Variants in FIRRM observed in about 807,000 individuals in gnomAD.
FIRRM encodes the protein FIGNL1 interacting regulator of recombination and mitosis, also known as FIGNL1-interacting regulator of recombination and mitosis.
At chr1:169,837,000 C>T in the FIRRM span, 10 of 1,613,650 alleles carry the variant, frequency 6.2e-6, no homozygotes, top group Admixed American at 1.0e-4. Flanking sequence ...TCCTTCCAGG[C>T]GTTACCTCCT....
chr1:169,840,585 A>G, the FIRRM span, among the ~76,000 whole-genome samples: 2 of 147,364 alleles, frequency 1.4e-5, no homozygotes, highest in African/African-American at 5.0e-5. Context: ...ATCTCGGCTC[A>G]CTGTGAGCTC....
the FIRRM span, among the ~76,000 whole-genome samples, chr1:169,826,327 T>C: frequency 1.3e-5 from 2 of 150,374 alleles, no homozygotes; most frequent in Non-Finnish European, 3.0e-5. Context: ...CCTCCCAAAG[T>C]GCTGGGATTA....
the FIRRM span, among the ~76,000 whole-genome samples, chr1:169,807,431 C>G: frequency 6.6e-6 from 1 of 152,184 alleles, no homozygotes; most frequent in Non-Finnish European, 1.5e-5. Flanking sequence ...CAAATCACAG[C>G]CCTAATTAAT....
the FIRRM span, chr1:169,853,331 G>C: frequency 3.0e-6 from 1 of 328,038 alleles, no homozygotes; most frequent in Non-Finnish European, 5.5e-6. Context: ...TTTCATAATA[G>C]AGCTTACTCT....
the FIRRM span, among the ~76,000 whole-genome samples, chr1:169,836,183 A>ATTATAC: frequency 4.6e-5 from 7 of 151,848 alleles, no homozygotes; most frequent in Admixed American, 3.9e-4. Context: ...TCCTAGTTGG[A>ATTATAC]TTATACTTAT....
the FIRRM span, chr1:169,796,046 C>A: frequency 1.2e-6 from 1 of 866,462 alleles, no homozygotes; most frequent in Non-Finnish European, 1.4e-6. Context: ...CAATTACACT[C>A]AAAAGAAAAA....
At chr1:169,789,249 C>T in the FIRRM span, among the ~76,000 whole-genome samples, 1,497 of 152,312 alleles carry the variant, frequency 9.8e-3, 35 homozygotes, top group African/African-American at 0.035. Flanking sequence ...AGTTTCCTTG[C>T]TATTCCTCTT....
At chr1:169,834,436 C>A in the FIRRM span, among the ~76,000 whole-genome samples, 1 of 151,914 alleles carries the variant, frequency 6.6e-6, no homozygotes, top group Non-Finnish European at 1.5e-5. Flanking sequence ...ATGAAAAGAC[C>A]ATTTAACAAA....
the FIRRM span, chr1:169,803,274 C>G: frequency 6.2e-7 from 1 of 1,613,764 alleles, no homozygotes; most frequent in Non-Finnish European, 8.5e-7. Flanking sequence ...CTCCTCAGTC[C>G]TTCATATAAT....
chr1:169,812,456 G>C, the FIRRM span, among the ~76,000 whole-genome samples: 1 of 152,162 alleles, frequency 6.6e-6, no homozygotes, highest in Non-Finnish European at 1.5e-5. Flanking sequence ...AGTCAGGAAA[G>C]GTTTCTTATG....
chr1:169,828,570 G>A, the FIRRM span, among the ~76,000 whole-genome samples: 2 of 151,056 alleles, frequency 1.3e-5, no homozygotes, highest in Non-Finnish European at 2.9e-5. Context: ...TTTGTTTGGA[G>A]CAGGGTCTTG....
chr1:169,797,614 G>T, the FIRRM span, among the ~76,000 whole-genome samples: 1 of 152,162 alleles, frequency 6.6e-6, no homozygotes, highest in Non-Finnish European at 1.5e-5. Flanking sequence ...GAGTGCAGTG[G>T]TGCGATCTCA....
the FIRRM span, among the ~76,000 whole-genome samples, chr1:169,801,763 A>G: frequency 6.6e-6 from 1 of 152,314 alleles, no homozygotes; most frequent in East Asian, 1.9e-4. Flanking sequence ...AGGGAACTAA[A>G]GATACTTTGG....
the FIRRM span, chr1:169,832,493 C>T: frequency 1.9e-6 from 3 of 1,612,258 alleles, no homozygotes; most frequent in East Asian, 2.2e-5. Context: ...TTCTTCATGG[C>T]ACCACCCCAT....
chr1:169,802,097 C>T, the FIRRM span, among the ~76,000 whole-genome samples: 5 of 152,104 alleles, frequency 3.3e-5, no homozygotes. Context: ...GGGTGGCTAA[C>T]TTTTCACAGA....
chr1:169,852,667 TCCTCCTAC>T, the FIRRM span: 1 of 1,021,904 alleles, frequency 9.8e-7, no homozygotes, highest in Non-Finnish European at 1.4e-6. Flanking sequence ...TTGGGGTGCA[TCCTCCTAC>T]CCTTGTGATC....
the FIRRM span, chr1:169,832,443 T>C: frequency 1.9e-6 from 3 of 1,613,564 alleles, no homozygotes; most frequent in South Asian, 1.1e-5. Flanking sequence ...GAGAATGTTA[T>C]CAACTCATCA....
At chr1:169,811,282 T>C in the FIRRM span, among the ~76,000 whole-genome samples, 1 of 152,226 alleles carries the variant, frequency 6.6e-6, no homozygotes, top group Non-Finnish European at 1.5e-5. Context: ...ATTTGTATTA[T>C]TCAGAAAATA....
At chr1:169,823,286 A>G in the FIRRM span, 1 of 530,650 alleles carries the variant, frequency 1.9e-6, no homozygotes. Context: ...AAGAAAAACA[A>G]ATAATTTTTT....
Sources: gnomAD v4.1 joint callset for allele counts (sites outside exome capture counted in the v4.1 genomes callset) on GRCh38, gnomAD v4.1.1 for gene constraint, MANE v1.5 for transcripts, NCBI Gene and HGNC (gene_info 2026-07-23, HGNC 2026-07-21) for gene names.